Variants in KNTC1 observed in about 807,000 individuals in gnomAD.
The protein encoded by KNTC1 is kinetochore-associated protein 1.
KNTC1 carries 253 observed loss-of-function variants against 314.4 expected under a neutral mutation model. That is an observed-to-expected ratio of 0.80 (90% confidence interval 0.73 to 0.89). KNTC1 has a LOEUF of 0.89. KNTC1 is among the 40% of genes least tolerant of loss of function. The probability of loss-of-function intolerance (pLI) is 0.00; values close to 1 mark genes in which losing one functional copy is unlikely to be tolerated. For missense variants in KNTC1, 2,475 were observed against 2,572.9 expected (o/e 0.96, Z 0.82); for synonymous variants, 901 against 901.4 (o/e 1.00, Z 0.01).
intron 13 of KNTC1, among the ~76,000 whole-genome samples, chr12:122,550,190 A>T (rs12581072): frequency 5.3e-5 from 3 of 56,082 alleles, no homozygotes; most frequent in East Asian, 5.8e-4. Context: ...TAACTAATTT[A>T]CATATTTTAA....
chr12:122,534,412 A>G (rs188649804), intron 2 of KNTC1, among the ~76,000 whole-genome samples: 31 of 152,302 alleles, frequency 2.0e-4, no homozygotes, highest in African/African-American at 7.0e-4. Context: ...TCCTGAGGAA[A>G]CAAGGACTTG....
At chr12:122,611,069 C>A in intron 53 of KNTC1, 169 bp downstream of exon 53, 1 of 617,218 alleles carries the variant, frequency 1.6e-6, no homozygotes, top group East Asian at 2.8e-5. Flanking sequence ...TTGCACCATG[C>A]TCCATTTAGT....
Position 122,604,939 on chromosome 12 carries a change from G to A in KNTC1, c.5238G>A (p.Ser1746=), listed in dbSNP as rs186458586. Residue 1746 remains serine (S), a synonymous_variant, in exon 50 of 64, where the codon TCG becomes TCA. Coordinates refer to ENST00000333479, the MANE Select transcript of KNTC1 (RefSeq NM_014708.6). The stretch of plus-strand genomic sequence containing the variant: ...AGCTTCATATCCAGTACCGGCGATC[G>A]GGCACAGAAGCTGTGCTCATAGCCC... ...LKKLHIQYRR[S]GTEAVLIAHK... The A allele has an allele frequency of 1.3e-4, 214 of 1,611,044 alleles. 1 individual carries two copies. The East Asian group carries it at 3.5e-3, about 27-fold the overall frequency.
Position 122,582,840 on chromosome 12 carries a change from G to C in KNTC1, c.3118G>C (p.Ala1040Pro). ...HKPGSTPEPI[A>P]AEVRSPSMES... ...ACCTGGGAGCACCCCAGAGCCCATAGCTGCTGAGGTGAGGAGCCCAAGCAT... is the reference window on the plus strand; with the variant it reads ...ACCTGGGAGCACCCCAGAGCCCATACCTGCTGAGGTGAGGAGCCCAAGCAT... Residue 1040 changes from alanine to proline, a missense_variant, in exon 34 of 64, where the codon GCT becomes CCT. Ala to Pro is a conservative substitution (Grantham distance 27, BLOSUM62 -1). Transcript: ENST00000333479. The C allele has an allele frequency of 1.2e-6, 2 of 1,612,102 alleles. No individual in the cohort carries two copies. The highest frequency in any genetic ancestry group is 1.7e-6 in the Non-Finnish European group (2 of 1,179,012).
At chr12:122,539,506 G>A (rs997455357) in intron 4 of KNTC1, among the ~76,000 whole-genome samples, 170 bp from the exon 5 acceptor site, 5 of 152,102 alleles carry the variant, frequency 3.3e-5, no homozygotes, top group Admixed American at 3.3e-4. Flanking sequence ...CAGTCTTGAA[G>A]GTATTTAGTA....
chr12:122,574,309 T>A lies in KNTC1; in HGVS notation c.2311T>A (p.Ser771Thr). The change falls in exon 27 of 64, where the codon TCC becomes ACC. Residue 771 changes from serine to threonine, a missense_variant. Physicochemically the swap from Ser to Thr is moderately conservative, Grantham distance 58. Transcript: ENST00000333479. ...TTTACTGAATAGATGCAGCTCAAAGTCCACATCACTCTTTGAAACAGCATG... is the reference window on the plus strand; with the variant it reads ...TTTACTGAATAGATGCAGCTCAAAGACCACATCACTCTTTGAAACAGCATG... ...EDLLNRCSSK[S>T]TSLFETAWEA... 2 of 1,609,332 alleles carry A rather than the reference T, an allele frequency of 1.2e-6. No homozygotes were observed. Among genetic ancestry groups the A allele is most frequent in the Non-Finnish European group, 1.7e-6 (2 of 1,176,672 alleles).
At chr12:122,563,959 A>G (rs568641284) in intron 20 of KNTC1, among the ~76,000 whole-genome samples, 100 of 152,268 alleles carry the variant, frequency 6.6e-4, no homozygotes, top group Non-Finnish European at 1.2e-3. Context: ...CATCATTTGG[A>G]AAAACATTAT....
intron 6 of KNTC1, among the ~76,000 whole-genome samples, chr12:122,542,339 C>T (rs562879416): frequency 1.3e-5 from 2 of 152,284 alleles, no homozygotes; most frequent in South Asian, 4.1e-4. Flanking sequence ...TTGATATGGC[C>T]TTCAAGGAGC....
At chr12:122,580,282 G>A (rs983999447) in intron 32 of KNTC1, among the ~76,000 whole-genome samples, 3 of 152,104 alleles carry the variant, frequency 2.0e-5, no homozygotes, top group African/African-American at 7.2e-5. Flanking sequence ...TGCTTATGAT[G>A]GTGGGGAGAA....
intron 54 of KNTC1, 24 bp downstream of exon 54, chr12:122,613,254 A>G (rs377017113): frequency 8.5e-5 from 120 of 1,418,440 alleles, no homozygotes; most frequent in Non-Finnish European, 1.1e-4. Flanking sequence ...TTTAAATTGT[A>G]TTAAGAAATA....
chr12:122,527,315 AT>A lies in KNTC1; in HGVS notation c.-109del, dbSNP rs1181751556. ...TGTGTGAGTCAGGAAGAGGGGCCAG[AT>A]ATCTGAGTGTTCCTCTTTAGTTTCT... On this transcript the variant is annotated 5_prime_UTR_variant, in exon 1 of 64. Coordinates refer to ENST00000333479, the MANE Select transcript of KNTC1 (RefSeq NM_014708.6). 2.6e-5 allele frequency: 5 copies of A among 190,434 alleles called. No individual in the cohort carries two copies. The South Asian group carries it at 4.3e-4, about 16-fold the overall frequency. 11.8% of individuals were successfully genotyped at this position (190,434 alleles called of 1,614,324 possible).
chr12:122,626,172 A>C, intron 63 of KNTC1, 33 bp from the exon 64 acceptor site: 1 of 1,497,566 alleles, frequency 6.7e-7, no homozygotes, highest in East Asian at 2.3e-5. Flanking sequence ...TAAGTGACTT[A>C]TAAAAATCAC....
At position 122,575,546 on chromosome 12, in the gene KNTC1, A is replaced by G. The variant is rs766322919; in HGVS notation, c.2386A>G (p.Ile796Val). The stretch of plus-strand genomic sequence containing the variant: ...TCCATGCGTGCATCTTTTGTAGCTC[A>G]TATTTGATGCCGTGCTCAAGATCAT... Reference protein sequence around the residue: ...VIACLSDTDLIFDAVLKIMYA... With the variant: ...VIACLSDTDLVFDAVLKIMYA... Residue 796 changes from isoleucine to valine, a missense_variant, in exon 28 of 64, where the codon ATA (isoleucine) becomes GTA (valine). Physicochemically the swap from Ile to Val is conservative, Grantham distance 29. Coordinates refer to ENST00000333479, the MANE Select transcript of KNTC1 (RefSeq NM_014708.6). 6.9e-6 allele frequency: 11 copies of G among 1,583,030 alleles called. No homozygotes were observed. The South Asian group carries it at 8.1e-5, about 12-fold the overall frequency.
intron 51 of KNTC1, among the ~76,000 whole-genome samples, chr12:122,605,962 C>T (rs962415603): frequency 1.3e-5 from 2 of 152,118 alleles, no homozygotes; most frequent in African/African-American, 4.8e-5. Flanking sequence ...CCCACCTCAG[C>T]CTCCCGAGTA....
intron 16 of KNTC1, among the ~76,000 whole-genome samples, chr12:122,554,076 A>AATATATATATATATATATATAT (rs60404988): frequency 2.7e-4 from 29 of 109,032 alleles, no homozygotes; most frequent in African/African-American, 9.7e-4. Context: ...AAAAAAAAAA[A>AATATATATATATATATATATAT]ATATATATAT....
intron 27 of KNTC1, 54 bp from the exon 28 acceptor site, chr12:122,575,489 G>A (rs1471452992): frequency 8.4e-7 from 1 of 1,184,956 alleles, no homozygotes; most frequent in Non-Finnish European, 1.2e-6. Flanking sequence ...CTGTTCACTT[G>A]CATGCATCGT....
In KNTC1 at chr12:122,603,179, C is replaced by A. The variant is rs1300021595; in HGVS notation, c.5037C>A (p.Leu1679=). 3 of 1,613,228 alleles carry A rather than the reference C, an allele frequency of 1.9e-6. No individual in the cohort carries two copies. In the East Asian group the frequency reaches 6.7e-5, roughly 36 times the overall value. The change falls in exon 48 of 64, where the codon CTC becomes CTA. Residue 1679 remains leucine (L), a synonymous_variant. Coordinates refer to ENST00000333479, the MANE Select transcript of KNTC1 (RefSeq NM_014708.6). ...CGCAGACCATCGAATCCTGCTTACT[C>A]TCTATAGTCAACCCAGAGTGGGCTG... is the stretch of plus-strand genomic sequence containing the variant. The part of the protein sequence containing the change: ...KITQTIESCL[L]SIVNPEWAVA...
chr12:122,531,378 T>A (rs909528694), intron 2 of KNTC1, among the ~76,000 whole-genome samples: 3 of 152,068 alleles, frequency 2.0e-5, no homozygotes, highest in African/African-American at 7.2e-5. Flanking sequence ...CTAAAAATTT[T>A]CGTATTTTTA....
chr12:122,586,786 C>T (rs530838594), intron 38 of KNTC1, 29 bp downstream of exon 38: 16 of 865,366 alleles, frequency 1.8e-5, no homozygotes, highest in Non-Finnish European at 2.2e-5. Flanking sequence ...ATATAGCATT[C>T]TATTAATATT....
Sources: allele counts gnomAD v4.1 joint callset (sites outside exome capture counted in the v4.1 genomes callset), GRCh38; gene constraint gnomAD v4.1.1; transcripts MANE v1.5; gene names NCBI Gene and HGNC (gene_info 2026-07-23, HGNC 2026-07-21).